Variants in GALNT17 observed in about 807,000 individuals in gnomAD.
GALNT17 encodes UDP-GalNAc:polypeptide N-acetylgalactosaminyltransferase-like 3.
A neutral mutation model predicts 63.7 loss-of-function variants in GALNT17; 29 were observed. The observed-to-expected ratio is 0.46, with a 90% CI of 0.34 to 0.62. The LOEUF is 0.62. GALNT17 is among the 20% of genes least tolerant of loss of function. The pLI is 0.01. For missense variants in GALNT17, 603 were observed against 799.6 expected (o/e 0.75, Z 2.97); for synonymous variants, 305 against 318.3 (o/e 0.96, Z 0.45).
chr7:71,710,039 A>G (rs995640747), intron 9 of GALNT17, among the ~76,000 whole-genome samples: 8 of 152,146 alleles, frequency 5.3e-5, no homozygotes, highest in African/African-American at 1.9e-4. Flanking sequence ...GATTTAGTCA[A>G]TCCCCCTTTG....
At chr7:71,693,357 G>A (rs1476388614) in intron 9 of GALNT17, among the ~76,000 whole-genome samples, 10 of 148,754 alleles carry the variant, frequency 6.7e-5, no homozygotes, top group Non-Finnish European at 1.2e-4. Context: ...GTGAGATCCT[G>A]GGTTGGATCC....
At chr7:71,172,898 G>C (rs1788570550) in intron 1 of GALNT17, among the ~76,000 whole-genome samples, 5 of 152,206 alleles carry the variant, frequency 3.3e-5, no homozygotes. Context: ...AAGGAGAGAA[G>C]AGAGACTGTG....
intron 1 of GALNT17, among the ~76,000 whole-genome samples, chr7:71,171,302 G>A (rs1029576878): frequency 2.6e-5 from 4 of 152,114 alleles, no homozygotes; most frequent in Non-Finnish European, 5.9e-5. Context: ...ATTGCTTGAG[G>A]CCAGGAGTTC....
At chr7:71,593,260 T>C (rs1183486678) in intron 6 of GALNT17, among the ~76,000 whole-genome samples, 1 of 2,276 alleles carries the variant, frequency 4.4e-4, no homozygotes, top group African/African-American at 7.8e-4. Flanking sequence ...TTTTTCTTCC[T>C]TTTTTTTTTT....
At chr7:71,377,116 TATATATATA>T (rs1563047697) in intron 2 of GALNT17, among the ~76,000 whole-genome samples, 1 of 53,214 alleles carries the variant, frequency 1.9e-5, no homozygotes, top group Non-Finnish European at 3.3e-5. Context: ...ATAAAAAAAA[TATATATATA>T]TATATATATA....
intron 2 of GALNT17, among the ~76,000 whole-genome samples, chr7:71,357,843 C>G (rs893997589): frequency 1.3e-5 from 2 of 152,144 alleles, no homozygotes; most frequent in African/African-American, 4.8e-5. Context: ...AGGATTATAA[C>G]ATGCACCAAT....
intron 5 of GALNT17, among the ~76,000 whole-genome samples, chr7:71,514,386 A>G (rs1041428375): frequency 6.6e-6 from 1 of 151,884 alleles, no homozygotes; most frequent in Admixed American, 6.6e-5. Context: ...AATGAACCCT[A>G]TTGAGCTCAT....
chr7:71,457,476 TA>T (rs1343050591), intron 5 of GALNT17, among the ~76,000 whole-genome samples: 1 of 152,200 alleles, frequency 6.6e-6, no homozygotes, highest in East Asian at 1.9e-4. Flanking sequence ...GCACGTTTAT[TA>T]GGAAAGTAAA....
intron 1 of GALNT17, among the ~76,000 whole-genome samples, chr7:71,273,302 C>G (rs1029382635): frequency 1.8e-4 from 27 of 152,218 alleles, no homozygotes; most frequent in African/African-American, 6.3e-4. Flanking sequence ...TCAACTCTTG[C>G]ACATAAAAAC....
intron 1 of GALNT17, among the ~76,000 whole-genome samples, chr7:71,249,721 A>G (rs189562375): frequency 1.1e-3 from 161 of 152,324 alleles, no homozygotes; most frequent in Non-Finnish European, 1.7e-3. Context: ...TTTGGTTTCA[A>G]TACTGGAAAA....
intron 1 of GALNT17, among the ~76,000 whole-genome samples, chr7:71,286,996 G>C (rs1032388277): frequency 1.3e-5 from 2 of 151,954 alleles, no homozygotes; most frequent in East Asian, 3.9e-4. Context: ...AACTCCCCAT[G>C]TTGCCCGGGC....
chr7:71,303,430 T>G (rs575461252), intron 1 of GALNT17, among the ~76,000 whole-genome samples: 196 of 152,284 alleles, frequency 1.3e-3, no homozygotes, highest in Middle Eastern at 6.8e-3. Flanking sequence ...GTAAATGATA[T>G]CTAGGTGAAA....
intron 6 of GALNT17, among the ~76,000 whole-genome samples, chr7:71,579,049 A>G (rs189744868): frequency 6.4e-4 from 98 of 152,326 alleles, no homozygotes; most frequent in African/African-American, 1.8e-3. Context: ...TTTCATTTTC[A>G]TACTTTTTAG....
chr7:71,200,804 G>T (rs1202645), intron 1 of GALNT17, among the ~76,000 whole-genome samples: 18,131 of 151,790 alleles, frequency 0.12, 1,169 homozygotes, highest in East Asian at 0.22. Context: ...TAGTTATTAG[G>T]TCGTTTCTAT....
intron 6 of GALNT17, among the ~76,000 whole-genome samples, chr7:71,576,360 G>T (rs577083144): frequency 4.6e-5 from 7 of 152,184 alleles, no homozygotes; most frequent in Non-Finnish European, 8.8e-5. Context: ...TTTATTTTGG[G>T]TGTATATCCA....
chr7:71,154,230 G>A (rs9768445), intron 1 of GALNT17, among the ~76,000 whole-genome samples: 1 of 151,544 alleles, frequency 6.6e-6, no homozygotes, highest in Non-Finnish European at 1.5e-5. Flanking sequence ...GAGAGAAAGA[G>A]AGAGAGATGC....
chr7:71,458,019 G>A (rs1042919218), intron 5 of GALNT17, among the ~76,000 whole-genome samples: 2 of 151,984 alleles, frequency 1.3e-5, no homozygotes, highest in South Asian at 2.1e-4. Flanking sequence ...TTGAAGCCAC[G>A]CTGTGTTTCC....
chr7:71,315,843 C>T (rs935681751), intron 1 of GALNT17, among the ~76,000 whole-genome samples: 3 of 152,072 alleles, frequency 2.0e-5, no homozygotes, highest in Non-Finnish European at 4.4e-5. Flanking sequence ...GGCACTTTCT[C>T]AGAGGTGGAG....
chr7:71,542,695 C>CAAAAAAA (rs10664146), intron 5 of GALNT17, among the ~76,000 whole-genome samples: 1 of 120,434 alleles, frequency 8.3e-6, no homozygotes, highest in Non-Finnish European at 1.6e-5. Context: ...GACTCCCTGT[C>CAAAAAAA]AAAAAAAAAA....
Sources: allele counts gnomAD v4.1 joint callset (sites outside exome capture counted in the v4.1 genomes callset), GRCh38; gene constraint gnomAD v4.1.1; transcripts MANE v1.5; gene names NCBI Gene and HGNC (gene_info 2026-07-23, HGNC 2026-07-21).